Variants in OXR1 observed in about 807,000 individuals in gnomAD.
OXR1 encodes the protein oxidation resistance 1, also known as oxidation resistance protein 1.
In OXR1, 41 loss-of-function variants were observed where a neutral mutation model predicts 104.6. The ratio of observed to expected loss-of-function variants is 0.39; its 90% confidence interval spans 0.31 to 0.51. The LOEUF (loss-of-function observed/expected upper bound fraction) is 0.51, where lower values mean the gene tolerates loss of function less well. Among genes scored for constraint, OXR1 ranks in the 20% least tolerant of loss-of-function variants. The pLI is 0.77. For synonymous variants in OXR1, 348 were observed against 348.4 expected, an observed-to-expected ratio of 1.00 and a Z score of 0.01; for missense variants, 955 against 1,031.9, an observed-to-expected ratio of 0.93 and a Z score of 1.02.
intron 15 of OXR1, among the ~76,000 whole-genome samples, chr8:106,745,307 A>G (rs1835292107): frequency 6.6e-6 from 1 of 152,248 alleles, no homozygotes; most frequent in African/African-American, 2.4e-5. Flanking sequence ...ACTGAAAATC[A>G]TAAATACCCA....
intron 3 of OXR1, among the ~76,000 whole-genome samples, chr8:106,596,422 G>A (rs1819529169): frequency 6.6e-6 from 1 of 152,048 alleles, no homozygotes; most frequent in African/African-American, 2.4e-5. Flanking sequence ...CTCCAGCCTG[G>A]GGACACAGAG....
chr8:106,276,817 TAAA>T, intron 1 of OXR1, among the ~76,000 whole-genome samples: 1 of 149,938 alleles, frequency 6.7e-6, no homozygotes, highest in Non-Finnish European at 1.5e-5. Flanking sequence ...GGTATTCACC[TAAA>T]TTGTCAAAAA....
intron 2 of OXR1, among the ~76,000 whole-genome samples, chr8:106,442,848 T>G (rs11987941): frequency 0.11 from 16,615 of 152,136 alleles, 3,079 homozygotes; most frequent in African/African-American, 0.38. Context: ...TTTTGTTAAT[T>G]TTTTCAAAGA....
chr8:106,728,450 A>G (rs1833558304), intron 11 of OXR1, among the ~76,000 whole-genome samples: 1 of 152,170 alleles, frequency 6.6e-6, no homozygotes, highest in South Asian at 2.1e-4. Context: ...ATGACCTTAC[A>G]GTAACCCTGT....
intron 8 of OXR1, among the ~76,000 whole-genome samples, chr8:106,706,034 A>T (rs1831115986): frequency 6.6e-6 from 1 of 152,178 alleles, no homozygotes; most frequent in Admixed American, 6.5e-5. Context: ...TCCATATTCC[A>T]TCAGTGAGTA....
chr8:106,647,496 G>C (rs1243772710), intron 3 of OXR1, among the ~76,000 whole-genome samples: 2 of 152,028 alleles, frequency 1.3e-5, no homozygotes, highest in Non-Finnish European at 2.9e-5. Flanking sequence ...ACACACAAAT[G>C]CTTTATATAA....
intron 1 of OXR1, among the ~76,000 whole-genome samples, chr8:106,352,040 T>C (rs760029097): frequency 7.2e-5 from 11 of 152,184 alleles, no homozygotes; most frequent in Non-Finnish European, 1.2e-4. Context: ...AGAAAATGAC[T>C]GTGTTCCACC....
chr8:106,291,113 A>G (rs1812732567), intron 1 of OXR1, among the ~76,000 whole-genome samples: 1 of 152,182 alleles, frequency 6.6e-6, no homozygotes, highest in Non-Finnish European at 1.5e-5. Flanking sequence ...CTATGCAGCC[A>G]TAAAAAAATG....
At chr8:106,459,031 G>A (rs1029121673) in intron 2 of OXR1, among the ~76,000 whole-genome samples, 2 of 152,068 alleles carry the variant, frequency 1.3e-5, no homozygotes, top group African/African-American at 4.8e-5. Flanking sequence ...GCTGGAATGA[G>A]TTAAGACTTT....
At chr8:106,684,069 T>G (rs1330361390) in intron 5 of OXR1, among the ~76,000 whole-genome samples, 177 bp from the exon 6 acceptor site, 1 of 152,198 alleles carries the variant, frequency 6.6e-6, no homozygotes, top group Admixed American at 6.5e-5. Flanking sequence ...TATTATCAAA[T>G]GTGTCTAAAC....
At chr8:106,488,415 C>T (rs991293349) in intron 2 of OXR1, among the ~76,000 whole-genome samples, 11 of 148,574 alleles carry the variant, frequency 7.4e-5, no homozygotes, top group African/African-American at 2.7e-4. Context: ...TGTGCAGAAG[C>T]TTTTTAGTTT....
chr8:106,281,707 G>T (rs1812290586), intron 1 of OXR1, among the ~76,000 whole-genome samples: 1 of 151,076 alleles, frequency 6.6e-6, no homozygotes, highest in Non-Finnish European at 1.5e-5. Flanking sequence ...GGCTGAGAGA[G>T]GAGAATCGCT....
chr8:106,659,950 A>T (rs28921380), intron 3 of OXR1, among the ~76,000 whole-genome samples: 4 of 152,234 alleles, frequency 2.6e-5, no homozygotes, highest in Non-Finnish European at 5.9e-5. Flanking sequence ...TTTAATAGTC[A>T]TGGTGCCCCC....
At chr8:106,300,339 C>T (rs1363266466) in intron 1 of OXR1, among the ~76,000 whole-genome samples, 2 of 151,912 alleles carry the variant, frequency 1.3e-5, no homozygotes, top group African/African-American at 2.4e-5. Flanking sequence ...CCTGCATTTC[C>T]CATTTTCTAT....
intron 11 of OXR1, chr8:106,726,064 G>A: frequency 1.1e-6 from 1 of 870,324 alleles, no homozygotes; most frequent in Non-Finnish European, 1.6e-6. Flanking sequence ...GACTATCATT[G>A]CTATGGATAC....
chr8:106,466,935 A>G (rs921615100), intron 2 of OXR1, among the ~76,000 whole-genome samples: 2 of 151,958 alleles, frequency 1.3e-5, no homozygotes, highest in Admixed American at 6.6e-5. Flanking sequence ...ATACTTATTG[A>G]TTACTTACAA....
intron 2 of OXR1, among the ~76,000 whole-genome samples, chr8:106,510,799 G>A (rs1463791645): frequency 6.6e-6 from 1 of 152,116 alleles, no homozygotes; most frequent in African/African-American, 2.4e-5. Flanking sequence ...AGATAGAAAA[G>A]CATAAATTTC....
At chr8:106,662,586 C>A (rs76690867) in intron 3 of OXR1, among the ~76,000 whole-genome samples, 3,460 of 152,052 alleles carry the variant, frequency 0.023, 40 homozygotes, top group East Asian at 0.039. Flanking sequence ...ACAAGTTAAC[C>A]CTCAGCAACA....
chr8:106,670,783 G>A (rs1826864448), intron 3 of OXR1, among the ~76,000 whole-genome samples: 1 of 152,060 alleles, frequency 6.6e-6, no homozygotes, highest in African/African-American at 2.4e-5. Flanking sequence ...TAATATGTAT[G>A]TACATATACA....
Sources: gnomAD v4.1 joint callset for allele counts (sites outside exome capture counted in the v4.1 genomes callset) on GRCh38, gnomAD v4.1.1 for gene constraint, MANE v1.5 for transcripts, NCBI Gene and HGNC (gene_info 2026-07-23, HGNC 2026-07-21) for gene names.